The following ATG7 variants were observed in gnomAD, a reference collection of about 807,000 sequenced individuals.
ATG7 encodes autophagy related 7.
In ATG7, 70 loss-of-function variants were observed where a neutral mutation model predicts 82.4. That is an observed-to-expected ratio of 0.85 (90% CI 0.70 to 1.04). ATG7 has a LOEUF of 1.04. ATG7 is among the 50% of genes least tolerant of loss of function. The pLI is 0.00. For synonymous variants in ATG7, 287 were observed against 313.0 expected, an observed-to-expected ratio of 0.92 and a Z score of 0.88; for missense variants, 792 against 864.3, an observed-to-expected ratio of 0.92 and a Z score of 1.05.
chr3:11,358,315 G>A (rs1358575869), intron 14 of ATG7, 103 bp from the exon 15 acceptor site: 9 of 1,160,226 alleles, frequency 7.8e-6, no homozygotes, highest in African/African-American at 3.1e-5. Context: ...GAGCTCTCAT[G>A]TATGTGAACA....
At chr3:11,546,646 C>T (rs1269071950) in intron 20 of ATG7, among the ~76,000 whole-genome samples, 1 of 152,210 alleles carries the variant, frequency 6.6e-6, no homozygotes, top group Non-Finnish European at 1.5e-5. Context: ...ATGATGAGGG[C>T]TCCTTTCAAA....
intron 19 of ATG7, among the ~76,000 whole-genome samples, chr3:11,410,458 C>T (rs917996711): frequency 4.6e-5 from 7 of 151,734 alleles, no homozygotes; most frequent in African/African-American, 1.5e-4. Flanking sequence ...TAAAATTTGC[C>T]ATTCTGTTTT....
intron 20 of ATG7, among the ~76,000 whole-genome samples, chr3:11,437,681 T>A (rs1474617806): frequency 6.6e-6 from 1 of 152,174 alleles, no homozygotes; most frequent in African/African-American, 2.4e-5. Context: ...ATTAACATTT[T>A]GCCACATGTG....
chr3:11,334,770 C>T (rs1952153804), intron 11 of ATG7, among the ~76,000 whole-genome samples: 1 of 150,764 alleles, frequency 6.6e-6, no homozygotes, highest in African/African-American at 2.4e-5. Context: ...TTGGCCTGGC[C>T]GATATGGCGA....
At chr3:11,501,371 T>G (rs910751068) in intron 20 of ATG7, among the ~76,000 whole-genome samples, 4 of 152,256 alleles carry the variant, frequency 2.6e-5, no homozygotes, top group African/African-American at 9.6e-5. Flanking sequence ...TAGAAAGCAG[T>G]TAGTAGATAC....
intron 6 of ATG7, among the ~76,000 whole-genome samples, chr3:11,308,256 G>A (rs1948080116): frequency 6.6e-6 from 1 of 152,222 alleles, no homozygotes; most frequent in Non-Finnish European, 1.5e-5. Context: ...GTAACACCAA[G>A]TTTAGCTACG....
intron 14 of ATG7, among the ~76,000 whole-genome samples, chr3:11,354,358 C>T (rs2075777929): frequency 1.3e-5 from 2 of 152,004 alleles, no homozygotes; most frequent in Admixed American, 6.6e-5. Flanking sequence ...AATAAGATGT[C>T]AGATTATGAG....
chr3:11,522,192 A>G (rs770997869), intron 20 of ATG7, among the ~76,000 whole-genome samples: 31 of 152,186 alleles, frequency 2.0e-4, no homozygotes, highest in Non-Finnish European at 3.7e-4. Flanking sequence ...ATGCCTTCCA[A>G]GTGCATTCAC....
chr3:11,437,042 G>T (rs1391802100), intron 20 of ATG7, among the ~76,000 whole-genome samples: 1 of 152,172 alleles, frequency 6.6e-6, no homozygotes, highest in Non-Finnish European at 1.5e-5. Flanking sequence ...ACTCTGAATG[G>T]ATGAATCATA....
At chr3:11,279,328 C>G (rs1437923276) in intron 1 of ATG7, among the ~76,000 whole-genome samples, 1 of 152,206 alleles carries the variant, frequency 6.6e-6, no homozygotes, top group East Asian at 1.9e-4. Flanking sequence ...AGTAGGGCCC[C>G]TGTTGAGAAT....
intron 20 of ATG7, among the ~76,000 whole-genome samples, chr3:11,447,739 G>A (rs1430390541): frequency 6.6e-6 from 1 of 152,158 alleles, no homozygotes; most frequent in Non-Finnish European, 1.5e-5. Context: ...TAAGGACTGT[G>A]ATTGGCCAGG....
rs561931118 is a variant in ATG7, at chr3:11,555,986, C to G, written c.*1143C>G. ...GTGGCTGTCGTTCAGCTCATGGGAG[C>G]TTCATGGGGACACAGCCGGCACAGG... On this transcript the variant is annotated 3_prime_UTR_variant, in exon 21 of 21. Coordinates refer to ENST00000693202, the MANE Select transcript of ATG7 (RefSeq NM_001349232.2). The G allele has an allele frequency of 1.3e-5, 2 of 152,846 alleles. No homozygotes were observed. The highest frequency in any genetic ancestry group is 4.8e-5 in the African/African-American group (2 of 41,566). 9.5% of individuals were successfully genotyped at this position (152,846 alleles called of 1,614,324 possible). A position where few individuals can be genotyped will look rare whatever the true frequency, so the allele number is the denominator to read the frequency against.
chr3:11,517,514 G>A (rs190377821), intron 20 of ATG7, among the ~76,000 whole-genome samples: 27 of 152,224 alleles, frequency 1.8e-4, no homozygotes, highest in African/African-American at 5.8e-4. Context: ...TGGTCTAGTC[G>A]GAGTCAGCAG....
At chr3:11,368,334 G>C (rs1273204324) in intron 18 of ATG7, among the ~76,000 whole-genome samples, 1 of 151,596 alleles carries the variant, frequency 6.6e-6, no homozygotes, top group African/African-American at 2.4e-5. Context: ...TCCTTTTTCT[G>C]GTTCTTTGGT....
chr3:11,552,912 C>A (rs1169438280), intron 20 of ATG7, among the ~76,000 whole-genome samples: 1 of 152,182 alleles, frequency 6.6e-6, no homozygotes, highest in African/African-American at 2.4e-5. Context: ...ATGGGTAACA[C>A]CTCCCTGAAA....
intron 20 of ATG7, among the ~76,000 whole-genome samples, chr3:11,499,884 G>T (rs2091192769): frequency 6.6e-6 from 1 of 152,068 alleles, no homozygotes. Flanking sequence ...TACCAGTCTT[G>T]TGCATCCCCC....
chr3:11,348,978 T>C (rs1483897614), intron 14 of ATG7, among the ~76,000 whole-genome samples: 1 of 151,760 alleles, frequency 6.6e-6, no homozygotes, highest in African/African-American at 2.4e-5. Flanking sequence ...CAGTGCTGAC[T>C]GGTGAGTTTT....
chr3:11,568,537 A>ACTGAAAACAG, the ATG7 span: 1 of 1,546,904 alleles, frequency 6.5e-7, no homozygotes, highest in Non-Finnish European at 8.8e-7. The surrounding 1 kb of genome is among the most constrained non-coding windows in gnomAD (Gnocchi z 5.9). Flanking sequence ...AGACAAAGAC[A>ACTGAAAACAG]CTGAAAACAG....
At chr3:11,287,331 AG>A (rs1202541370) in intron 3 of ATG7, among the ~76,000 whole-genome samples, 1 of 152,200 alleles carries the variant, frequency 6.6e-6, no homozygotes, top group Non-Finnish European at 1.5e-5. Context: ...TTTCCTGAGC[AG>A]GTCACCTCTG....
Sources: gnomAD v4.1 joint callset for allele counts (sites outside exome capture counted in the v4.1 genomes callset) on GRCh38, gnomAD v4.1.1 for gene constraint, Gnocchi (gnomAD v3.1) non-coding constraint, MANE v1.5 for transcripts, NCBI Gene and HGNC (gene_info 2026-07-23, HGNC 2026-07-21) for gene names.